The following PRKCB variants were observed in gnomAD, a reference collection of about 807,000 sequenced individuals.
PRKCB encodes protein kinase C beta type.
A neutral mutation model predicts 81.5 loss-of-function variants in PRKCB; 13 were observed. That is an observed-to-expected ratio of 0.16 (90% CI 0.10 to 0.25). PRKCB has a LOEUF of 0.25. PRKCB is among the 10% of genes least tolerant of loss of function. The pLI is 1.00. For synonymous variants in PRKCB, 335 were observed against 321.4 expected, an observed-to-expected ratio of 1.04 and a Z score of -0.45; for missense variants, 509 against 875.7, an observed-to-expected ratio of 0.58 and a Z score of 5.29.
intron 10 of PRKCB, among the ~76,000 whole-genome samples, chr16:24,157,984 C>T (rs1325363101): frequency 2.0e-5 from 3 of 152,180 alleles, no homozygotes; most frequent in South Asian, 2.1e-4. Context: ...CATGTGGAGA[C>T]CAATGCAGAA....
intron 3 of PRKCB, among the ~76,000 whole-genome samples, chr16:24,004,273 T>C (rs1345561651): frequency 6.6e-6 from 1 of 152,022 alleles, no homozygotes; most frequent in Non-Finnish European, 1.5e-5. Context: ...GTATAAAAGA[T>C]GCTTAAAGCA....
At chr16:24,125,677 G>A (rs988233330) in intron 9 of PRKCB, among the ~76,000 whole-genome samples, 3 of 152,174 alleles carry the variant, frequency 2.0e-5, no homozygotes, top group East Asian at 1.9e-4. Flanking sequence ...CAAGAGTAGG[G>A]ATCTTCTCCG....
At chr16:23,857,409 G>A (rs932703621) in intron 2 of PRKCB, among the ~76,000 whole-genome samples, 11 of 152,234 alleles carry the variant, frequency 7.2e-5, no homozygotes, top group Admixed American at 5.9e-4. Context: ...GCCAGAAGAT[G>A]TGGGAACAGT....
At chr16:23,935,138 G>A (rs1964041012) in intron 2 of PRKCB, among the ~76,000 whole-genome samples, 1 of 152,146 alleles carries the variant, frequency 6.6e-6, no homozygotes, top group African/African-American at 2.4e-5. Context: ...TCAGGAGGTT[G>A]TCACCAGTGG....
At chr16:24,190,166 G>A (rs557327036) in intron 15 of PRKCB, among the ~76,000 whole-genome samples, 5 of 152,328 alleles carry the variant, frequency 3.3e-5, no homozygotes, top group African/African-American at 1.2e-4. Context: ...GGCTTTGTGT[G>A]TAATGTATGA....
At chr16:24,012,033 A>G (rs1965209460) in intron 3 of PRKCB, among the ~76,000 whole-genome samples, 1 of 152,062 alleles carries the variant, frequency 6.6e-6, no homozygotes. Flanking sequence ...GCCTTTCCTC[A>G]TGAAACTTTC....
intron 3 of PRKCB, among the ~76,000 whole-genome samples, chr16:24,017,981 C>T (rs1369269347): frequency 1.3e-5 from 2 of 150,300 alleles, no homozygotes; most frequent in Non-Finnish European, 2.9e-5. Context: ...TCACTGCAAG[C>T]TCCACCTCCT....
intron 2 of PRKCB, among the ~76,000 whole-genome samples, chr16:23,948,705 C>T (rs1284237023): frequency 6.6e-6 from 1 of 152,208 alleles, no homozygotes; most frequent in Non-Finnish European, 1.5e-5. Flanking sequence ...CCGTGCCTGG[C>T]CCTCCTTGAA....
At chr16:24,205,145 CTT>C (rs71154289) in intron 16 of PRKCB, among the ~76,000 whole-genome samples, 123 of 115,660 alleles carry the variant, frequency 1.1e-3, no homozygotes, top group East Asian at 6.3e-3. Flanking sequence ...ATTATAATTC[CTT>C]TTTTTTTTTT....
chr16:23,884,914 G>A (rs57234877), intron 2 of PRKCB, among the ~76,000 whole-genome samples: 3,658 of 25,092 alleles, frequency 0.15, 171 homozygotes, highest in African/African-American at 0.34. Context: ...CAGCAAATAT[G>A]GATGATTGAA....
intron 3 of PRKCB, among the ~76,000 whole-genome samples, chr16:23,990,479 GC>G (rs1270966885): frequency 1.4e-5 from 2 of 146,900 alleles, no homozygotes; most frequent in African/African-American, 5.1e-5. Flanking sequence ...AAAAAAAGAA[GC>G]TTTTTTTTTT....
chr16:24,067,958 AAG>A (rs947120094), intron 5 of PRKCB, among the ~76,000 whole-genome samples: 15 of 138,690 alleles, frequency 1.1e-4, no homozygotes, highest in South Asian at 2.1e-4. Flanking sequence ...AAAAAAAAAA[AAG>A]AGAGAGAGAG....
intron 10 of PRKCB, among the ~76,000 whole-genome samples, chr16:24,166,891 G>C (rs1451355269): frequency 1.3e-5 from 2 of 152,086 alleles, no homozygotes; most frequent in Admixed American, 6.5e-5. Flanking sequence ...GTTAGCGGTA[G>C]AAACATACCA....
chr16:24,076,142 C>T (rs911496059), intron 5 of PRKCB, among the ~76,000 whole-genome samples: 1 of 152,056 alleles, frequency 6.6e-6, no homozygotes, highest in East Asian at 1.9e-4. Context: ...TGGGCCACAC[C>T]CTTTGAGAAC....
rs80041222 is a variant in PRKCB at position 24,057,243 on chromosome 16, T to C, written c.529+21696T>C. ...CTTCTTTGGTCCCATTAGATCCCCA[T>C]GTCAGCCCTATGAAATAATACTATC... On this transcript the variant is annotated intron_variant, in intron 5 of 16. Transcript: ENST00000643927. 5.0e-3 allele frequency among the ~76,000 whole-genome samples: 763 copies of C among 152,328 alleles called. 5 individuals carry two copies. Among genetic ancestry groups the C allele is most frequent in the African/African-American group, 0.018 (731 of 41,578 alleles).
intron 11 of PRKCB, among the ~76,000 whole-genome samples, chr16:24,172,777 A>T (rs916870952): frequency 6.6e-6 from 1 of 152,192 alleles, no homozygotes; most frequent in African/African-American, 2.4e-5. Context: ...ACAGCTATTT[A>T]TTTATTTCTA....
At chr16:24,022,557 T>G (rs918693164) in intron 3 of PRKCB, among the ~76,000 whole-genome samples, 5 of 152,142 alleles carry the variant, frequency 3.3e-5, no homozygotes, top group African/African-American at 1.2e-4. Context: ...AGTGGTGCGA[T>G]CTCAGCTCAC....
chr16:24,135,078 TA>T (rs35009249), intron 9 of PRKCB, among the ~76,000 whole-genome samples: 53,247 of 150,092 alleles, frequency 0.35, 9,435 homozygotes, highest in South Asian at 0.47. Flanking sequence ...CCTTGTGATT[TA>T]AAAAAAAAAA....
intron 2 of PRKCB, among the ~76,000 whole-genome samples, chr16:23,850,680 G>GT (rs1221897009): frequency 3.3e-5 from 5 of 151,898 alleles, no homozygotes; most frequent in Admixed American, 3.3e-4. Flanking sequence ...TCACTTTTTT[G>GT]TTTTTTTGAG....
Sources: allele counts gnomAD v4.1 joint callset (sites outside exome capture counted in the v4.1 genomes callset), GRCh38; gene constraint gnomAD v4.1.1; transcripts MANE v1.5; gene names NCBI Gene and HGNC (gene_info 2026-07-23, HGNC 2026-07-21).